The following LITAF variants were observed in gnomAD, a reference collection of about 807,000 sequenced individuals.
LITAF encodes the protein lipopolysaccharide induced TNF factor, also known as lipopolysaccharide-induced tumor necrosis factor-alpha factor.
In LITAF, 9 loss-of-function variants were observed where a neutral mutation model predicts 14.5. That is an observed-to-expected ratio of 0.62 (90% confidence interval 0.37 to 1.08). LITAF has a LOEUF of 1.08. Ranked by LOEUF, LITAF falls within the 50% of genes least tolerant of loss-of-function variation. The pLI is 0.01. For missense variants in LITAF, 206 were observed against 213.4 expected (o/e 0.97, Z 0.22); for synonymous variants, 98 against 88.2 (o/e 1.11, Z -0.62).
chr16:11,604,163 G>GGGTA (rs1171772380), intron 3 of LITAF, among the ~76,000 whole-genome samples: 1 of 151,752 alleles, frequency 6.6e-6, no homozygotes. Flanking sequence ...GACACTGGAG[G>GGGTA]GGTAGGTGGT....
chr16:11,566,776 GGAA>G (rs2064457703), intron 1 of LITAF, among the ~76,000 whole-genome samples: 1 of 150,966 alleles, frequency 6.6e-6, no homozygotes, highest in African/African-American at 2.4e-5. Context: ...CATGGACAGA[GGAA>G]GACTCTACCT....
upstream of LITAF, among the ~76,000 whole-genome samples, chr16:11,639,471 A>G (rs974430043): frequency 6.6e-6 from 1 of 151,968 alleles, no homozygotes; most frequent in Admixed American, 6.6e-5. Context: ...GGGTGGATGG[A>G]TGGATGGATG....
At chr16:11,615,046 C>A (rs2065008732) in intron 3 of LITAF, among the ~76,000 whole-genome samples, 2 of 152,118 alleles carry the variant, frequency 1.3e-5, no homozygotes, top group Admixed American at 1.3e-4. Flanking sequence ...GGGTGGATGA[C>A]CAGTCGGTAC....
intron 1 of LITAF, among the ~76,000 whole-genome samples, chr16:11,594,884 A>T (rs902707586): frequency 1.3e-5 from 1 of 79,210 alleles, no homozygotes; most frequent in Non-Finnish European, 2.5e-5. Context: ...TCAAAAAAAT[A>T]AAAAAAAATA....
rs2064987141 is a variant in LITAF, at chr16:11,612,333, C to T, written c.85+21200G>A. Reference sequence around the variant, plus strand: ...CAGCAGGCTTTGGCTGCACCGTCCTCATCATTCTTGTGAAAAGGGGCCACC... The same window carrying T: ...CAGCAGGCTTTGGCTGCACCGTCCTTATCATTCTTGTGAAAAGGGGCCACC... On this transcript the variant is annotated intron_variant, in intron 3 of 3. Coordinates refer to the LITAF transcript ENST00000574848. Among the ~76,000 whole-genome samples, 4 of 152,212 alleles carry T rather than the reference C, an allele frequency of 2.6e-5. 1 individual carries two copies. The South Asian group carries it at 6.2e-4, about 24-fold the overall frequency.
upstream of LITAF, among the ~76,000 whole-genome samples, chr16:11,637,445 T>G (rs995147864): frequency 1.3e-5 from 2 of 152,206 alleles, no homozygotes; most frequent in Non-Finnish European, 2.9e-5. Context: ...TTCTTCTGCT[T>G]ACATCAGCCA....
chr16:11,619,016 A>C lies in LITAF; in HGVS notation c.85+14517T>G, dbSNP rs895495620. Among the ~76,000 whole-genome samples, 18 of 151,392 alleles carry C rather than the reference A, an allele frequency of 1.2e-4. No homozygotes were observed. The South Asian group carries it at 2.1e-3, about 17-fold the overall frequency. On this transcript the variant is annotated intron_variant, in intron 3 of 3. Coordinates refer to the LITAF transcript ENST00000574848. ...AACAAAACAAACAAACAAACAAAAAAAACCCCAGCACTGCCCGGGCACGGT... is the reference window on the plus strand; with the variant it reads ...AACAAAACAAACAAACAAACAAAAACAACCCCAGCACTGCCCGGGCACGGT...
rs1335026219 is a variant in LITAF, at chr16:11,579,526, AAATAT to A, written c.-6+7355_-6+7359del. On this transcript the variant is annotated intron_variant, in intron 1 of 3. Coordinates refer to ENST00000622633, the MANE Select transcript of LITAF (RefSeq NM_001136472.2). The stretch of plus-strand genomic sequence containing the variant: ...AAATAAAATAAAATAAAATAAAATA[AAATAT>A]ATCAATGCAATGTAGTACCCTAGGT... Among the ~76,000 whole-genome samples, 98 of 133,282 alleles carry A rather than the reference AAATAT, an allele frequency of 7.4e-4. 11 individuals carry two copies. The Middle Eastern group carries it at 0.016, about 22-fold the overall frequency. The allele number at this position is 133,282 out of a possible 152,430, so 87.4% of individuals were successfully genotyped here. A position where few individuals can be genotyped will look rare whatever the true frequency, so the allele number is the denominator to read the frequency against.
intron 3 of LITAF, among the ~76,000 whole-genome samples, chr16:11,607,572 T>G (rs1800657011): frequency 6.6e-6 from 1 of 152,182 alleles, no homozygotes; most frequent in Non-Finnish European, 1.5e-5. Flanking sequence ...CCTTCCTTCT[T>G]ATTGTTTTCT....
At chr16:11,595,623 G>A (rs562318616) in intron 1 of LITAF, among the ~76,000 whole-genome samples, 2 of 152,304 alleles carry the variant, frequency 1.3e-5, no homozygotes, top group Admixed American at 6.5e-5. Context: ...CAGCTACTTG[G>A]GAGGCTGAGG....
At chr16:11,597,558 G>A (rs1597366044) in intron 1 of LITAF, among the ~76,000 whole-genome samples, 1 of 152,200 alleles carries the variant, frequency 6.6e-6, no homozygotes, top group Non-Finnish European at 1.5e-5. Flanking sequence ...GCACATGGCA[G>A]CAGTAGGATT....
intron 3 of LITAF, among the ~76,000 whole-genome samples, chr16:11,630,293 T>G (rs1193883742): frequency 5.9e-5 from 9 of 152,164 alleles, no homozygotes; most frequent in Admixed American, 5.9e-4. Flanking sequence ...CTGGGTCCTC[T>G]CTGAGGAGCA....
intron 2 of LITAF, among the ~76,000 whole-genome samples, chr16:11,635,392 G>C (rs1253971501): frequency 6.6e-6 from 1 of 152,212 alleles, no homozygotes; most frequent in African/African-American, 2.4e-5. Flanking sequence ...TGGTTCCAGT[G>C]CTTCCTCTCC....
chr16:11,555,199 A>G (rs952679200), intron 2 of LITAF, among the ~76,000 whole-genome samples: 1 of 152,038 alleles, frequency 6.6e-6, no homozygotes, highest in Non-Finnish European at 1.5e-5. Context: ...CACTCAGCTA[A>G]TTTTATTTTC....
At position 11,632,768 on chromosome 16, in the gene LITAF, A is replaced by G. The variant is rs1678281103; in HGVS notation, c.85+765T>C. 6.6e-6 allele frequency among the ~76,000 whole-genome samples: 1 copy of G among 152,156 alleles called. No individual in the cohort carries two copies. The highest frequency in any genetic ancestry group is 6.5e-5 in the Admixed American group (1 of 15,276). ...GAGTCCAGCCCCCATGCACATGACT[A>G]TGTGGTGCCCTCAGCCCCCGCACGG... On this transcript the variant is annotated intron_variant, in intron 3 of 3. Coordinates refer to the LITAF transcript ENST00000574848. This position sits in a 1 kb window ranked among gnomAD's most constrained non-coding sequence, Gnocchi z 4.8.
intron 1 of LITAF, among the ~76,000 whole-genome samples, chr16:11,581,833 C>T (rs1324302014): frequency 2.0e-5 from 3 of 152,082 alleles, no homozygotes; most frequent in Non-Finnish European, 4.4e-5. Flanking sequence ...ACCACAAGTC[C>T]GCACTCCCCT....
At chr16:11,555,505 A>C (rs890863316) in intron 2 of LITAF, among the ~76,000 whole-genome samples, 1 of 152,248 alleles carries the variant, frequency 6.6e-6, no homozygotes, top group South Asian at 2.1e-4. Context: ...ACAAAAATTT[A>C]AAAATTAGCC....
rs569672058 is a variant in LITAF, at chr16:11,607,294, G to C, written c.85+26239C>G. 6.6e-5 allele frequency among the ~76,000 whole-genome samples: 10 copies of C among 152,352 alleles called. No individual in the cohort carries two copies. In the East Asian group the frequency reaches 1.9e-3, roughly 29 times the overall value. ...GATACTCACTATCATGTTCCCTGCA[G>C]AGCTGTGTCGAGAACAGTGCTGTCT... On this transcript the variant is annotated intron_variant, in intron 3 of 3. Transcript: ENST00000574848.
At chr16:11,598,622 T>C, upstream of LITAF, 1 of 152,064 alleles carries the variant, frequency 6.6e-6, no homozygotes, top group Non-Finnish European at 1.5e-5. Context: ...CTTTGGTTTT[T>C]AGGAAATGGT....
Sources: gnomAD v4.1 joint callset for allele counts (sites outside exome capture counted in the v4.1 genomes callset) on GRCh38, gnomAD v4.1.1 for gene constraint, Gnocchi (gnomAD v3.1) non-coding constraint, MANE v1.5 for transcripts, NCBI Gene and HGNC (gene_info 2026-07-23, HGNC 2026-07-21) for gene names.